The following SLC6A3 variants were observed in gnomAD, a reference collection of about 807,000 sequenced individuals.
SLC6A3 encodes sodium-dependent dopamine transporter.
A neutral mutation model predicts 70.4 loss-of-function variants in SLC6A3; 19 were observed. The ratio of observed to expected loss-of-function variants is 0.27; its 90% CI spans 0.19 to 0.40. The LOEUF (loss-of-function observed/expected upper bound fraction) is 0.40. Ranked by LOEUF, SLC6A3 falls within the 10% of genes least tolerant of loss-of-function variation. The pLI is 1.00. For synonymous variants in SLC6A3, 368 were observed against 356.6 expected, an observed-to-expected ratio of 1.03 and a Z score of -0.36; for missense variants, 613 against 838.5, an observed-to-expected ratio of 0.73 and a Z score of 3.32.
chr5:1,415,405 G>A (rs1756265358), intron 7 of SLC6A3, among the ~76,000 whole-genome samples: 1 of 152,122 alleles, frequency 6.6e-6, no homozygotes, highest in South Asian at 2.1e-4. Context: ...CAGAGCACCT[G>A]GACCCAGGTG....
At chr5:1,414,460 G>GGAGAAGGCACTGGGTGGGGGGCC (rs1756215479) in intron 8 of SLC6A3, among the ~76,000 whole-genome samples, 1 of 56,002 alleles carries the variant, frequency 1.8e-5, no homozygotes, top group African/African-American at 1.2e-4. Flanking sequence ...GGGGCAGGGC[G>GGAGAAGGCACTGGGTGGGGGGCC]GGGAAGGCGC....
chr5:1,443,683 T>C (rs1213463655), intron 1 of SLC6A3, among the ~76,000 whole-genome samples: 1 of 152,210 alleles, frequency 6.6e-6, no homozygotes, highest in Non-Finnish European at 1.5e-5. Flanking sequence ...TCTTTTTTTT[T>C]TCTTTTTTAA....
At chr5:1,430,448 A>G (rs1164214787) in intron 4 of SLC6A3, among the ~76,000 whole-genome samples, 2 of 152,140 alleles carry the variant, frequency 1.3e-5, no homozygotes, top group Non-Finnish European at 2.9e-5. Context: ...GAATTCTAGA[A>G]CCAAGCACTT....
intron 11 of SLC6A3, among the ~76,000 whole-genome samples, chr5:1,407,204 C>T (rs571775555): frequency 1.3e-5 from 2 of 152,182 alleles, no homozygotes; most frequent in African/African-American, 4.8e-5. Flanking sequence ...GTCTGTGACT[C>T]GTGTGACCGC....
At chr5:1,403,691 C>A (rs1464111032) in intron 12 of SLC6A3, among the ~76,000 whole-genome samples, 1 of 152,064 alleles carries the variant, frequency 6.6e-6, no homozygotes, top group African/African-American at 2.4e-5. Context: ...TGCGGGACCA[C>A]CCTAGGGCCA....
rs1755740796 is a variant in SLC6A3 at position 1,397,183 on chromosome 5, C to CA, written c.1840-2426dup. On this transcript the variant is annotated intron_variant, in intron 14 of 14. Transcript: ENST00000270349. The surrounding 1 kb of genome is among the most constrained non-coding windows in gnomAD (Gnocchi z 4.7). Reference sequence around the variant, plus strand: ...ATGGAAAACACAGAAAGGCAGAAGGCAATCTTTCAGTGTGTGGCTGCAAAA... The same window carrying CA: ...ATGGAAAACACAGAAAGGCAGAAGGCAAATCTTTCAGTGTGTGGCTGCAAAA... Among the ~76,000 whole-genome samples the CA allele has an allele frequency of 6.6e-6, 1 of 152,186 alleles. No individual in the cohort carries two copies. Among genetic ancestry groups the CA allele is most frequent in the Non-Finnish European group, 1.5e-5 (1 of 68,034 alleles).
At position 1,438,103 on chromosome 5, in the gene SLC6A3, G is replaced by T. The variant is rs1298234634; in HGVS notation, c.418+3256C>A. 6.6e-6 allele frequency among the ~76,000 whole-genome samples: 1 copy of T among 152,186 alleles called. No individual in the cohort carries two copies. Among genetic ancestry groups the T allele is most frequent in the Non-Finnish European group, 1.5e-5 (1 of 68,038 alleles). ...GCGTTACTGAGATTCAACAACTCAA[G>T]GTGTCTCGTCTCTAAAAAGAAGTCC... is the stretch of plus-strand genomic sequence containing the variant. On this transcript the variant is annotated intron_variant, in intron 3 of 14. Coordinates refer to ENST00000270349, the MANE Select transcript of SLC6A3 (RefSeq NM_001044.5). This position sits in a 1 kb window ranked among gnomAD's most constrained non-coding sequence, Gnocchi z 6.5.
intron 8 of SLC6A3, among the ~76,000 whole-genome samples, chr5:1,412,530 C>G (rs27048): frequency 1.3e-5 from 2 of 152,084 alleles, no homozygotes; most frequent in Non-Finnish European, 2.9e-5. Context: ...CAGGCAGACT[C>G]GGATGGAGGT....
intron 9 of SLC6A3, among the ~76,000 whole-genome samples, chr5:1,410,352 A>T (rs1756086625): frequency 6.6e-6 from 1 of 151,490 alleles, no homozygotes; most frequent in Admixed American, 6.6e-5. Flanking sequence ...CTCGGTCCAG[A>T]CCCCTCTTCA....
At chr5:1,430,111 G>A (rs956095813) in intron 4 of SLC6A3, among the ~76,000 whole-genome samples, 1 of 152,086 alleles carries the variant, frequency 6.6e-6, no homozygotes, top group Non-Finnish European at 1.5e-5. Context: ...GACTCATCCC[G>A]GGTGCATCTT....
In SLC6A3 at chr5:1,393,613, ACGCTCCTGTGGGGGCCCTG is replaced by A. The variant is rs1755633174; in HGVS notation, c.*1103_*1121del. ...CCCTGCATGCGTCCTGGGGTAGTAC[ACGCTCCTGTGGGGGCCCTG>A]CATGCATCCTGGGGTAGTACACGCT... On this transcript the variant is annotated 3_prime_UTR_variant, in exon 15 of 15. Transcript: ENST00000270349. 7.1e-6 allele frequency: 1 copy of A among 140,026 alleles called. No homozygotes were observed. The highest frequency in any genetic ancestry group is 1.6e-5 in the Non-Finnish European group (1 of 63,052). The allele number at this position is 140,026 out of a possible 1,614,324, so 8.7% of individuals were successfully genotyped here.
chr5:1,433,107 A>G (rs1318258164), intron 3 of SLC6A3, among the ~76,000 whole-genome samples: 1 of 152,100 alleles, frequency 6.6e-6, no homozygotes. Context: ...CTCAGGATCC[A>G]TAAGAGTCAT....
At position 1,409,016 on chromosome 5, in the gene SLC6A3, C is replaced by A. The variant is rs759848180; in HGVS notation, c.1498+10G>T. 2 of 1,599,890 alleles carry A rather than the reference C, an allele frequency of 1.3e-6. No individual in the cohort carries two copies. Among genetic ancestry groups the A allele is most frequent in the Non-Finnish European group, 1.7e-6 (2 of 1,168,516 alleles). ...AGGGTGCCGGCTTGGCTGCCTTCCC[C>A]CGGACTCACCATAGAACCAGGCCAC... On this transcript the variant is annotated intron_variant, in intron 11 of 14. Transcript: ENST00000270349.
rs140306145 is a variant in SLC6A3 at position 1,405,676 on chromosome 5, C to T, written c.1599+512G>A. 3.2e-4 allele frequency among the ~76,000 whole-genome samples: 49 copies of T among 152,316 alleles called. No individual in the cohort carries two copies. The highest frequency in any genetic ancestry group is 8.3e-4 in the South Asian group (4 of 4,826). On this transcript the variant is annotated intron_variant, in intron 12 of 14. Transcript: ENST00000270349. This position sits in a 1 kb window ranked among gnomAD's most constrained non-coding sequence, Gnocchi z 5.3. ...AACACCAGCGTCCGACGGCCTTGCC[C>T]GGTGGGCCCTGACTCGGTGGCGGAT...
Position 1,397,032 on chromosome 5 carries a change from C to T in SLC6A3, c.1840-2274G>A, listed in dbSNP as rs1361815190. 1.3e-5 allele frequency among the ~76,000 whole-genome samples: 2 copies of T among 152,102 alleles called. No homozygotes were observed. Among genetic ancestry groups the T allele is most frequent in the Non-Finnish European group, 2.9e-5 (2 of 68,022 alleles). The stretch of plus-strand genomic sequence containing the variant: ...TGACAAATTAATAATTTAAAAATGG[C>T]CACATGTGGATTAATGATAAGATGC... On this transcript the variant is annotated intron_variant, in intron 14 of 14. Coordinates refer to ENST00000270349, the MANE Select transcript of SLC6A3 (RefSeq NM_001044.5). The surrounding 1 kb of genome is among the most constrained non-coding windows in gnomAD (Gnocchi z 4.7).
At chr5:1,425,697 G>T (rs1756560722) in intron 4 of SLC6A3, among the ~76,000 whole-genome samples, 1 of 152,174 alleles carries the variant, frequency 6.6e-6, no homozygotes. Context: ...TGCACTGAAG[G>T]ATGCTATCAA....
rs778269912 is a variant in SLC6A3, at chr5:1,401,770, G to A, written c.1768-784C>T. On this transcript the variant is annotated intron_variant, in intron 13 of 14. Transcript: ENST00000270349. This position sits in a 1 kb window ranked among gnomAD's most constrained non-coding sequence, Gnocchi z 6.1. ...CCAGCTCTGCGCTGACCTGGGCCCC[G>A]CCTCCCACGTCCATCCAGCCTCCCA... Among the ~76,000 whole-genome samples the A allele has an allele frequency of 3.9e-5, 6 of 152,336 alleles. No individual in the cohort carries two copies. Among genetic ancestry groups the A allele is most frequent in the South Asian group, 2.1e-4 (1 of 4,834 alleles).
At position 1,432,492 on chromosome 5, in the gene SLC6A3, C is replaced by T. The variant is rs372788698; in HGVS notation, c.625G>A (p.Gly209Arg). 20 of 1,614,060 alleles carry T rather than the reference C, an allele frequency of 1.2e-5. No individual in the cohort carries two copies. The highest frequency in any genetic ancestry group is 8.9e-5 in the East Asian group (4 of 44,894). Residue 209 changes from glycine to arginine, a missense_variant, in exon 4 of 15, where the codon GGG becomes AGG. Physicochemically the swap from Gly to Arg is moderately radical, Grantham distance 125. Around this residue, in one of 4 missense-constraint regions of SLC6A3, gnomAD observed 153 missense variants for 249.4 expected, o/e 0.61. Coordinates refer to ENST00000270349, the MANE Select transcript of SLC6A3 (RefSeq NM_001044.5). ...GDSSGLNDTF[G>R]TTPAAEYFER... ...AAGTACTCGGCAGCAGGTGTGGTCC[C>T]AAAAGTGTCGTTGAGGCCCGAGCTG...
At position 1,402,856 on chromosome 5, in the gene SLC6A3, T is replaced by C. The variant is rs28363131; in HGVS notation, c.1767+66A>G. On this transcript the variant is annotated intron_variant, in intron 13 of 14. Transcript: ENST00000270349. The surrounding 1 kb of genome is among the most constrained non-coding windows in gnomAD (Gnocchi z 8.5). Reference sequence around the variant, plus strand: ...CCCAGGCAGGTGAGGACTGGGGCCATGGACACCCACGGAGCCTTTCTGGTG... The same window carrying C: ...CCCAGGCAGGTGAGGACTGGGGCCACGGACACCCACGGAGCCTTTCTGGTG... 8.6e-4 allele frequency: 1,321 copies of C among 1,532,562 alleles called. 5 individuals are homozygous for C. Among genetic ancestry groups the C allele is most frequent in the East Asian group, 5.1e-3 (220 of 43,202 alleles). The allele number at this position is 1,532,562 out of a possible 1,614,324, so 94.9% of individuals were successfully genotyped here.
Sources: gnomAD v4.1 joint callset for allele counts (sites outside exome capture counted in the v4.1 genomes callset) on GRCh38, gnomAD v4.1.1 for gene constraint, gnomAD v4.1.1 regional missense constraint, Gnocchi (gnomAD v3.1) non-coding constraint, MANE v1.5 for transcripts, NCBI Gene and HGNC (gene_info 2026-07-23, HGNC 2026-07-21) for gene names.